Variants in KLRG1 observed in about 807,000 individuals in gnomAD.
KLRG1 encodes the protein killer cell lectin-like receptor subfamily G member 1.
A neutral mutation model predicts 21.8 loss-of-function variants in KLRG1; 16 were observed. The ratio of observed to expected loss-of-function variants is 0.73; its 90% CI spans 0.50 to 1.11. KLRG1 has a LOEUF of 1.11. Ranked by LOEUF, KLRG1 falls within the 50% of genes most tolerant of loss-of-function variation. The probability of loss-of-function intolerance (pLI) is 0.00; values close to 1 mark genes in which losing one functional copy is unlikely to be tolerated. For synonymous variants in KLRG1, 69 were observed against 75.9 expected (o/e 0.91, Z 0.47); for missense variants, 173 against 218.3 (o/e 0.79, Z 1.31).
At chr12:9,161,137 T>G in the KLRG1 span, 1 of 1,510,506 alleles carries the variant, frequency 6.6e-7, no homozygotes, top group Non-Finnish European at 9.1e-7. Context: ...AGACAGCCCA[T>G]GTTAAAGGAG....
the KLRG1 span, chr12:9,070,417 G>C: frequency 4.0e-6 from 4 of 993,660 alleles, no homozygotes; most frequent in Non-Finnish European, 6.3e-6. Flanking sequence ...TTTGATATTA[G>C]TATTGTCTTA....
chr12:9,087,901 A>G, the KLRG1 span, among the ~76,000 whole-genome samples: 1 of 152,128 alleles, frequency 6.6e-6, no homozygotes, highest in Non-Finnish European at 1.5e-5. Context: ...TATGTTCATT[A>G]AGAGGCTCTT....
chr12:9,029,065 CT>C, the KLRG1 span: 1 of 506,002 alleles, frequency 2.0e-6, no homozygotes. Flanking sequence ...TGGTCAGGCT[CT>C]TTAGGAGACT....
the KLRG1 span, chr12:9,165,055 G>A: frequency 6.8e-7 from 1 of 1,474,162 alleles, no homozygotes; most frequent in Non-Finnish European, 9.4e-7. Flanking sequence ...ATTATCCTTA[G>A]TCTCAGGAAC....
chr12:9,203,669 C>A, the KLRG1 span: 1 of 1,404,872 alleles, frequency 7.1e-7, no homozygotes, highest in South Asian at 1.3e-5. Flanking sequence ...TTCTTAAAGT[C>A]ATACCTTGGG....
chr12:9,112,206 ATTTC>A, the KLRG1 span: 1 of 1,613,840 alleles, frequency 6.2e-7, no homozygotes, highest in Non-Finnish European at 8.5e-7. Flanking sequence ...ACAACACGAA[ATTTC>A]ACTGAAACAG....
the KLRG1 span, chr12:9,116,214 C>G: frequency 3.2e-6 from 1 of 309,460 alleles, no homozygotes. Flanking sequence ...TATGGTGCTT[C>G]TCACATCTCT....
At chr12:8,961,853 A>T (rs1424780690) in intron 1 of KLRG1, among the ~76,000 whole-genome samples, 1 of 152,198 alleles carries the variant, frequency 6.6e-6, no homozygotes, top group African/African-American at 2.4e-5. Context: ...TGAGTGTCCA[A>T]AGTGGGAGGA....
the KLRG1 span, chr12:9,074,616 T>C: frequency 1.9e-6 from 3 of 1,613,758 alleles, no homozygotes; most frequent in East Asian, 4.5e-5. Flanking sequence ...CACTTCACGA[T>C]GTTGGTTGCA....
chr12:9,105,406 T>G, the KLRG1 span, among the ~76,000 whole-genome samples: 4 of 152,238 alleles, frequency 2.6e-5, no homozygotes, highest in Non-Finnish European at 5.9e-5. Flanking sequence ...TTTTAGGAAG[T>G]TGAATACATT....
At chr12:9,022,826 A>G in the KLRG1 span, among the ~76,000 whole-genome samples, 1 of 152,174 alleles carries the variant, frequency 6.6e-6, no homozygotes, top group Non-Finnish European at 1.5e-5. Flanking sequence ...AATTATGCCT[A>G]TGTAATGAAG....
Position 8,960,883 on chromosome 12 carries a change from A to G in KLRG1, c.-156+10647A>G, listed in dbSNP as rs114397018. Among the ~76,000 whole-genome samples the G allele has an allele frequency of 5.5e-3, 830 of 152,288 alleles. 11 individuals are homozygous for G. The highest frequency in any genetic ancestry group is 0.018 in the African/African-American group (766 of 41,556). ...GGTCTCCTCTCATTTGACCCACTCA[A>G]TGTTTTCTGGTAGTTAGGTTATTTG... On this transcript the variant is annotated intron_variant, in intron 1 of 4. Transcript: ENST00000539240.
At chr12:9,025,814 A>C in the KLRG1 span, among the ~76,000 whole-genome samples, 1 of 152,180 alleles carries the variant, frequency 6.6e-6, no homozygotes, top group Non-Finnish European at 1.5e-5. Flanking sequence ...GTTTATTACA[A>C]GTGATAGGGA....
chr12:9,157,641 A>G, the KLRG1 span: 2 of 857,354 alleles, frequency 2.3e-6, no homozygotes, highest in African/African-American at 3.4e-5. Flanking sequence ...CAAAGAGCTT[A>G]TCAGTCTGAG....
chr12:9,162,608 G>A, the KLRG1 span: 1 of 1,592,652 alleles, frequency 6.3e-7, no homozygotes, highest in Non-Finnish European at 8.6e-7. Context: ...TGAGGCACAG[G>A]TCATAGAACT....
At chr12:9,128,002 C>A in the KLRG1 span, 2 of 282,414 alleles carry the variant, frequency 7.1e-6, no homozygotes, top group South Asian at 3.8e-5. Context: ...CGAACCAAGT[C>A]TGAGATGGAG....
At chr12:9,182,673 A>C in the KLRG1 span, among the ~76,000 whole-genome samples, 1 of 152,244 alleles carries the variant, frequency 6.6e-6, no homozygotes, top group Non-Finnish European at 1.5e-5. Flanking sequence ...ATGGTACCAG[A>C]TAACACTTCA....
chr12:9,048,889 T>C, the KLRG1 span, among the ~76,000 whole-genome samples: 1 of 152,260 alleles, frequency 6.6e-6, no homozygotes, highest in Non-Finnish European at 1.5e-5. Flanking sequence ...AAGGAAGAAA[T>C]GAAACTGTTT....
At chr12:9,092,047 G>C in the KLRG1 span, among the ~76,000 whole-genome samples, 3,884 of 152,274 alleles carry the variant, frequency 0.026, 173 homozygotes, top group African/African-American at 0.089. Context: ...CTCCCTGGAA[G>C]GGCTTCGTCT....
Sources: gnomAD v4.1 joint callset for allele counts (sites outside exome capture counted in the v4.1 genomes callset) on GRCh38, gnomAD v4.1.1 for gene constraint, MANE v1.5 for transcripts, NCBI Gene and HGNC (gene_info 2026-07-23, HGNC 2026-07-21) for gene names.